Variants in ARID2 observed in about 807,000 individuals in gnomAD.
The protein encoded by ARID2 is AT-rich interaction domain 2.
In ARID2, 32 loss-of-function variants were observed where a neutral mutation model predicts 184.6. That is an observed-to-expected ratio of 0.17 (90% CI 0.13 to 0.23). The LOEUF is 0.23. Ranked by LOEUF, ARID2 falls within the 10% of genes least tolerant of loss-of-function variation. The pLI is 1.00. For synonymous variants in ARID2, 836 were observed against 772.6 expected (o/e 1.08, Z -1.36); for missense variants, 1,696 against 2,197.6 (o/e 0.77, Z 4.56).
At chr12:45,827,288 A>G (rs1382176495) in intron 6 of ARID2, among the ~76,000 whole-genome samples, 3 of 152,092 alleles carry the variant, frequency 2.0e-5, no homozygotes, top group Non-Finnish European at 4.4e-5. Flanking sequence ...ATATTGTATA[A>G]TTAGTTAAAA....
intron 3 of ARID2, among the ~76,000 whole-genome samples, chr12:45,800,161 C>T (rs539237382): frequency 6.6e-6 from 1 of 151,854 alleles, no homozygotes; most frequent in South Asian, 2.1e-4. Flanking sequence ...ATTTAATTTT[C>T]GTACTGAAAA....
At chr12:45,806,912 G>A (rs572041996) in intron 3 of ARID2, among the ~76,000 whole-genome samples, 2 of 152,250 alleles carry the variant, frequency 1.3e-5, no homozygotes, top group Non-Finnish European at 2.9e-5. Context: ...TGCTTTCTTG[G>A]AAAACCAACT....
intron 16 of ARID2, among the ~76,000 whole-genome samples, chr12:45,867,919 T>C (rs554187508): frequency 1.3e-5 from 2 of 152,252 alleles, no homozygotes; most frequent in Non-Finnish European, 2.9e-5. Flanking sequence ...ACTATTAATA[T>C]AATAACATGT....
intron 3 of ARID2, among the ~76,000 whole-genome samples, chr12:45,768,443 A>G (rs544472163): frequency 2.2e-4 from 33 of 152,282 alleles, no homozygotes; most frequent in African/African-American, 7.7e-4. Flanking sequence ...TTTGTCCTCT[A>G]GCTGGGTTGT....
chr12:45,895,770 T>C (rs1944361264), intron 20 of ARID2, among the ~76,000 whole-genome samples: 1 of 152,202 alleles, frequency 6.6e-6, no homozygotes, highest in East Asian at 1.9e-4. Flanking sequence ...CCTGACCTCG[T>C]GATCCACCTG....
chr12:45,801,362 A>T (rs1228972526), intron 3 of ARID2, among the ~76,000 whole-genome samples: 1 of 152,068 alleles, frequency 6.6e-6, no homozygotes, highest in African/African-American at 2.4e-5. Context: ...TTTCACAGTG[A>T]CTTAGTCGAG....
At chr12:45,835,774 C>A (rs1176656460) in intron 6 of ARID2, among the ~76,000 whole-genome samples, 1 of 152,012 alleles carries the variant, frequency 6.6e-6, no homozygotes, top group Non-Finnish European at 1.5e-5. Flanking sequence ...GTGGCGCGTG[C>A]CTATAATTCC....
chr12:45,773,031 A>G (rs1941907302), intron 3 of ARID2, among the ~76,000 whole-genome samples: 1 of 152,174 alleles, frequency 6.6e-6, no homozygotes, highest in Admixed American at 6.5e-5. Context: ...ACCTTATTAC[A>G]TTTAAAAAGA....
intron 3 of ARID2, among the ~76,000 whole-genome samples, chr12:45,781,290 G>A (rs1297087592): frequency 6.8e-6 from 1 of 147,084 alleles, no homozygotes; most frequent in African/African-American, 2.5e-5. Context: ...CTCAAAGTTT[G>A]ACTAGGGAGG....
At chr12:45,758,008 ATTT>A (rs1487802553) in intron 3 of ARID2, among the ~76,000 whole-genome samples, 9 of 152,342 alleles carry the variant, frequency 5.9e-5, no homozygotes, top group Non-Finnish European at 1.5e-5. Flanking sequence ...ATGAATAGTC[ATTT>A]ATGAATTCCC....
At chr12:45,818,760 A>G (rs1942850209) in intron 5 of ARID2, among the ~76,000 whole-genome samples, 1 of 152,176 alleles carries the variant, frequency 6.6e-6, no homozygotes, top group Middle Eastern at 3.4e-3. Flanking sequence ...TTTCTCTGCA[A>G]TTTGATTTGG....
At chr12:45,887,991 T>G (rs1047568435) in intron 16 of ARID2, among the ~76,000 whole-genome samples, 1 of 152,068 alleles carries the variant, frequency 6.6e-6, no homozygotes, top group Admixed American at 6.6e-5. Context: ...GTCAGGAGAT[T>G]GAGACCATCC....
chr12:45,847,040 C>T (rs2138151173), intron 12 of ARID2, 103 bp downstream of exon 12: 1 of 982,358 alleles, frequency 1.0e-6, no homozygotes, highest in African/African-American at 1.6e-5. Context: ...GTTCTGTATT[C>T]CTTTTTAGTT....
At chr12:45,787,018 A>G (rs1202054303) in intron 3 of ARID2, among the ~76,000 whole-genome samples, 1 of 152,166 alleles carries the variant, frequency 6.6e-6, no homozygotes, top group Non-Finnish European at 1.5e-5. Flanking sequence ...CAAAGGTTAC[A>G]AAATTTTATT....
intron 20 of ARID2, among the ~76,000 whole-genome samples, chr12:45,897,534 A>G (rs1470812904): frequency 6.6e-6 from 1 of 152,232 alleles, no homozygotes; most frequent in South Asian, 2.1e-4. Context: ...ATGCCTAACT[A>G]CTGTGTAAAA....
At chr12:45,867,197 C>T (rs936397081) in intron 16 of ARID2, among the ~76,000 whole-genome samples, 1 of 152,000 alleles carries the variant, frequency 6.6e-6, no homozygotes, top group African/African-American at 2.4e-5. Flanking sequence ...GATCCACCCA[C>T]CTTGGCCTCC....
At chr12:45,743,814 A>G (rs1401983121) in intron 3 of ARID2, among the ~76,000 whole-genome samples, 3 of 152,154 alleles carry the variant, frequency 2.0e-5, no homozygotes, top group Non-Finnish European at 2.9e-5. Context: ...AGTTTTCTTT[A>G]TATAGGGTTT....
intron 20 of ARID2, 144 bp from the exon 21 acceptor site, chr12:45,904,790 C>G: frequency 1.4e-6 from 1 of 705,838 alleles, no homozygotes; most frequent in Non-Finnish European, 2.1e-6. Context: ...ATGCTTCCCT[C>G]TCTTCCTGCA....
At chr12:45,865,369 C>A (rs913890042) in intron 16 of ARID2, among the ~76,000 whole-genome samples, 4 of 152,024 alleles carry the variant, frequency 2.6e-5, no homozygotes, top group Admixed American at 6.5e-5. Context: ...AGGTTTTTCT[C>A]ATTTTTTCAA....
Sources: gnomAD v4.1 joint callset for allele counts (sites outside exome capture counted in the v4.1 genomes callset) on GRCh38, gnomAD v4.1.1 for gene constraint, MANE v1.5 for transcripts, NCBI Gene and HGNC (gene_info 2026-07-23, HGNC 2026-07-21) for gene names.